Variants in ZNF510 observed in about 807,000 individuals in gnomAD.
The protein encoded by ZNF510 is zinc finger protein 510.
ZNF510 carries 15 observed loss-of-function variants against 18.1 expected under a neutral mutation model. The ratio of observed to expected loss-of-function variants is 0.83; its 90% CI spans 0.55 to 1.28. The LOEUF is 1.28. Among genes scored for constraint, ZNF510 ranks in the 50% most tolerant of loss-of-function variants. ZNF510 has a pLI of 0.00. For synonymous variants in ZNF510, 261 were observed against 266.4 expected (o/e 0.98, Z 0.20); for missense variants, 724 against 791.8 (o/e 0.91, Z 1.03).
chr9:96,765,677 T>G (rs1849452959), intron 3 of ZNF510, among the ~76,000 whole-genome samples: 1 of 152,198 alleles, frequency 6.6e-6, no homozygotes, highest in Admixed American at 6.5e-5. Context: ...CACGCCCAGC[T>G]AATTTTTGTA....
intron 2 of ZNF510, 138 bp downstream of exon 2, chr9:96,775,862 C>G: frequency 9.2e-7 from 1 of 1,091,832 alleles, no homozygotes; most frequent in East Asian, 2.8e-5. Flanking sequence ...AATGGGGGCT[C>G]TATGAGGAGG....
intron 3 of ZNF510, among the ~76,000 whole-genome samples, chr9:96,767,547 TTAC>T (rs1849502032): frequency 2.0e-5 from 3 of 151,696 alleles, no homozygotes. Flanking sequence ...GGTGGGGACC[TTAC>T]TACTAACCTT....
intron 5 of ZNF510, 120 bp from the exon 6 acceptor site, chr9:96,760,597 T>C: frequency 2.3e-6 from 2 of 878,636 alleles, no homozygotes; most frequent in Non-Finnish European, 3.3e-6. Context: ...ATAATTCAGA[T>C]GTATGTGTGT....
intron 3 of ZNF510, among the ~76,000 whole-genome samples, chr9:96,766,359 T>C (rs1417057408): frequency 2.0e-5 from 3 of 148,992 alleles, no homozygotes; most frequent in Admixed American, 1.3e-4. Flanking sequence ...TTTTTGTAAA[T>C]GAAAAATACC....
chr9:96,763,905 G>T (rs1363488956), intron 3 of ZNF510, among the ~76,000 whole-genome samples: 1 of 152,076 alleles, frequency 6.6e-6, no homozygotes, highest in African/African-American at 2.4e-5. Context: ...AGACCAGACT[G>T]GGCAACACAG....
chr9:96,772,600 T>C (rs1375883860), intron 3 of ZNF510, among the ~76,000 whole-genome samples: 3 of 152,198 alleles, frequency 2.0e-5, no homozygotes, highest in Non-Finnish European at 2.9e-5. Flanking sequence ...AAAGAAATGA[T>C]GTCTAAATGT....
chr9:96,758,616 T>G lies in ZNF510; in HGVS notation c.*162A>C. On this transcript the variant is annotated 3_prime_UTR_variant, in exon 6 of 6. Transcript: ENST00000223428. ...ATTTTGGACACAATTCTTCCTGCATTCATCTTCATCTGGTTTCTTTCCTAT... is the reference window on the plus strand; with the variant it reads ...ATTTTGGACACAATTCTTCCTGCATGCATCTTCATCTGGTTTCTTTCCTAT... The G allele has an allele frequency of 1.4e-6, 1 of 698,648 alleles. No individual in the cohort carries two copies. The highest frequency in any genetic ancestry group is 2.3e-6 in the Non-Finnish European group (1 of 439,482). 43.3% of individuals were successfully genotyped at this position (698,648 alleles called of 1,614,324 possible).
intron 3 of ZNF510, among the ~76,000 whole-genome samples, chr9:96,767,877 CTA>C (rs1849507956): frequency 6.6e-6 from 1 of 152,156 alleles, no homozygotes; most frequent in African/African-American, 2.4e-5. Flanking sequence ...CTAACTCATT[CTA>C]TGAGTTACCT....
chr9:96,763,680 A>G (rs376385640), intron 3 of ZNF510, 48 bp from the exon 4 acceptor site: 3 of 1,503,874 alleles, frequency 2.0e-6, no homozygotes, highest in Non-Finnish European at 2.7e-6. Flanking sequence ...GAATTAGATG[A>G]TGTAGAAAAT....
rs189203537 is a variant in ZNF510 at position 96,754,859 on chromosome 9, A to G, written c.*3919T>C. Among the ~76,000 whole-genome samples the G allele has an allele frequency of 2.1e-3, 317 of 152,298 alleles. 1 individual carries two copies. Among genetic ancestry groups the G allele is most frequent in the African/African-American group, 6.3e-3 (262 of 41,562 alleles). On this transcript the variant is annotated 3_prime_UTR_variant, in exon 6 of 6. Coordinates refer to ENST00000223428, the MANE Select transcript of ZNF510 (RefSeq NM_014930.3). ...GATACACTGTGAATAAAACAGACAA[A>G]AATTCCTGCCTTGTTTTCTATCTTT...
chr9:96,763,132 T>G lies in ZNF510; in HGVS notation c.338A>C (p.Asn113Thr). The G allele has an allele frequency of 6.2e-7, 1 of 1,614,074 alleles. No individual in the cohort carries two copies. The highest frequency in any genetic ancestry group is 1.1e-5 in the South Asian group (1 of 91,084). ...CAGTAACTCACTTGGGTGACTCTGGTTTGAGAATTCCTCCTCTGAGAACCA... is the reference window on the plus strand; with the variant it reads ...CAGTAACTCACTTGGGTGACTCTGGGTTGAGAATTCCTCCTCTGAGAACCA... The part of the protein sequence containing the change: ...EPWFSEEEFS[N>T]QSHPKDYRGD... Residue 113 changes from asparagine (N) to threonine (T), a missense_variant, in exon 5 of 6, where the codon AAC (asparagine) becomes ACC (threonine). Transcript: ENST00000223428.
chr9:96,773,580 GT>G (rs911489441), intron 3 of ZNF510, among the ~76,000 whole-genome samples: 48 of 143,314 alleles, frequency 3.3e-4, no homozygotes, highest in East Asian at 4.0e-4. Context: ...GTTGACATCT[GT>G]TTTTTTTTTT....
In ZNF510 at chr9:96,754,989, G is replaced by A. The variant is rs1160695466; in HGVS notation, c.*3789C>T. ...AGAGTAAAAGACCATGAGTTGCTAA[G>A]GAGATCAACCAGGCAAGGAGAGGGA... On this transcript the variant is annotated 3_prime_UTR_variant, in exon 6 of 6. Coordinates refer to ENST00000223428, the MANE Select transcript of ZNF510 (RefSeq NM_014930.3). 6.6e-6 allele frequency among the ~76,000 whole-genome samples: 1 copy of A among 152,216 alleles called. No homozygotes were observed. The highest frequency in any genetic ancestry group is 1.5e-5 in the Non-Finnish European group (1 of 68,034).
rs1004129268 is a variant in ZNF510 at position 96,756,872 on chromosome 9, G to T, written c.*1906C>A. On this transcript the variant is annotated 3_prime_UTR_variant, in exon 6 of 6. Coordinates refer to ENST00000223428, the MANE Select transcript of ZNF510 (RefSeq NM_014930.3). ...TGATCAGAGCTGTTGGACCTCAGAG[G>T]TATCTTTACATACAATTATTCCTGA... is the stretch of plus-strand genomic sequence containing the variant. The T allele has an allele frequency of 6.6e-6, 1 of 152,166 alleles. No individual in the cohort carries two copies. The highest frequency in any genetic ancestry group is 6.5e-5 in the Admixed American group (1 of 15,282). 9.4% of individuals were successfully genotyped at this position (152,166 alleles called of 1,614,324 possible). A position where few individuals can be genotyped will look rare whatever the true frequency, so the allele number is the denominator to read the frequency against.
chr9:96,763,482 G>T, intron 4 of ZNF510, 24 bp downstream of exon 4: 3 of 1,585,482 alleles, frequency 1.9e-6, no homozygotes, highest in Non-Finnish European at 2.6e-6. Context: ...GAGTTACAAG[G>T]GTAAGTTATG....
In ZNF510 at chr9:96,760,104, G is replaced by A; in HGVS notation, c.726C>T (p.Pro242=). 6.2e-7 allele frequency: 1 copy of A among 1,608,606 alleles called. No individual in the cohort carries two copies. Among genetic ancestry groups the A allele is most frequent in the African/African-American group, 1.3e-5 (1 of 74,568 alleles). ...MKALNYNENL[P]KHPKFQTLEQ... ...CCAAAGTTTGAAACTTTGGATGCTT[G>A]GGAAGATTTTCATTATAATTGAGAG... The change falls in exon 6 of 6, where the codon CCC becomes CCT. Residue 242 remains proline (P), a synonymous_variant. Transcript: ENST00000223428.
intron 5 of ZNF510, among the ~76,000 whole-genome samples, chr9:96,762,508 CAAA>C (rs1235290923): frequency 1.0e-4 from 8 of 79,802 alleles, no homozygotes; most frequent in Admixed American, 2.9e-4. Context: ...GACTCCGTCT[CAAA>C]AAAAAAAAAA....
intron 3 of ZNF510, among the ~76,000 whole-genome samples, chr9:96,774,471 A>T (rs1179054271): frequency 6.6e-6 from 1 of 152,218 alleles, no homozygotes; most frequent in Admixed American, 6.5e-5. Flanking sequence ...ATTTTCCCTG[A>T]CTTTGATAAC....
intron 3 of ZNF510, among the ~76,000 whole-genome samples, chr9:96,767,063 C>T (rs575995299): frequency 2.3e-3 from 349 of 152,296 alleles, no homozygotes; most frequent in African/African-American, 8.0e-3. Flanking sequence ...CATGGTGGTT[C>T]ACGCCTATAA....
Sources: allele counts gnomAD v4.1 joint callset (sites outside exome capture counted in the v4.1 genomes callset), GRCh38; gene constraint gnomAD v4.1.1; transcripts MANE v1.5; gene names NCBI Gene and HGNC (gene_info 2026-07-23, HGNC 2026-07-21).